Variants in ZNF738 observed in about 807,000 individuals in gnomAD.
ZNF738 encodes the protein protein ZNF738.
Under a neutral mutation model 9.2 loss-of-function variants are expected in ZNF738, and 10 were observed. The observed-to-expected ratio is 1.09, with a 90% CI of 0.67 to 1.85. The LOEUF (loss-of-function observed/expected upper bound fraction) is 1.85. Ranked by LOEUF, ZNF738 falls within the 40% of genes most tolerant of loss-of-function variation. ZNF738 has a pLI of 0.00. For missense variants in ZNF738, 346 were observed against 283.6 expected (o/e 1.22, Z -1.58); for synonymous variants, 113 against 94.5 (o/e 1.20, Z -1.14).
At chr19:21,371,931 G>C (rs1973862186) in intron 2 of ZNF738, 1 of 152,248 alleles carries the variant, frequency 6.6e-6, no homozygotes, top group African/African-American at 2.4e-5. Context: ...TAAACTCTGG[G>C]ATTTAACTTT....
At position 21,384,112 on chromosome 19, in the gene ZNF738, G is replaced by A. The variant is rs534929986; in HGVS notation, c.*438G>A. The A allele has an allele frequency of 2.4e-4, 365 of 1,499,490 alleles. 4 individuals are homozygous for A. In the South Asian group the frequency reaches 3.6e-3, roughly 15 times the overall value. The allele number at this position is 1,499,490 out of a possible 1,614,324, so 92.9% of individuals were successfully genotyped here. A position where few individuals can be genotyped will look rare whatever the true frequency, so the allele number is the denominator to read the frequency against. The stretch of plus-strand genomic sequence containing the variant: ...GAAGAATGTGGCAAAGCTTTCTACC[G>A]ATTATCTTATCTTACTACACATAAG... On this transcript the variant is annotated 3_prime_UTR_variant, in exon 5 of 5. Coordinates refer to ENST00000683779, the MANE Select transcript of ZNF738 (RefSeq NM_001355237.2).
chr19:21,377,001 T>C (rs1973936155), intron 4 of ZNF738, among the ~76,000 whole-genome samples: 1 of 152,090 alleles, frequency 6.6e-6, no homozygotes, highest in Non-Finnish European at 1.5e-5. Flanking sequence ...CTCTTCTCTA[T>C]TTCTCTGTTA....
intron 4 of ZNF738, chr19:21,381,422 G>T (rs192527857): frequency 1.3e-6 from 2 of 1,501,712 alleles, no homozygotes; most frequent in African/African-American, 1.4e-5. Context: ...ATATTCTAGA[G>T]TATAAGAAAG....
intron 1 of ZNF738, among the ~76,000 whole-genome samples, chr19:21,359,728 T>G (rs1973656804): frequency 1.3e-5 from 2 of 151,828 alleles, no homozygotes; most frequent in African/African-American, 4.8e-5. Context: ...ATACAAAAAA[T>G]GAGCCGGGCG....
Position 21,382,608 on chromosome 19 carries a change from T to C in ZNF738, c.320-258T>C, listed in dbSNP as rs555912611. The stretch of plus-strand genomic sequence containing the variant: ...CTGTGTTGGGTAAGTGTAACAAACT[T>C]TTTTTTCTTCTGTGTGACTTTTTGC... On this transcript the variant is annotated intron_variant, in intron 4 of 4. Coordinates refer to ENST00000683779, the MANE Select transcript of ZNF738 (RefSeq NM_001355237.2). 2.2e-3 allele frequency among the ~76,000 whole-genome samples: 337 copies of C among 152,294 alleles called. 1 individual carries two copies. The highest frequency in any genetic ancestry group is 7.9e-3 in the African/African-American group (328 of 41,558).
At chr19:21,363,653 C>G (rs537666796) in intron 2 of ZNF738, among the ~76,000 whole-genome samples, 1 of 152,258 alleles carries the variant, frequency 6.6e-6, no homozygotes, top group Non-Finnish European at 1.5e-5. Flanking sequence ...CTTTGGGAGG[C>G]CAAGGTGGGC....
At chr19:21,380,680 A>T (rs1392299205) in intron 4 of ZNF738, among the ~76,000 whole-genome samples, 1 of 152,212 alleles carries the variant, frequency 6.6e-6, no homozygotes, top group African/African-American at 2.4e-5. Context: ...AGTTGAAGAA[A>T]ATCTTTGCCC....
chr19:21,378,733 G>T, intron 4 of ZNF738: 1 of 320,848 alleles, frequency 3.1e-6, no homozygotes. Context: ...CCGAGTAGCT[G>T]GGATTACGGG....
chr19:21,381,025 T>C (rs140865344), intron 4 of ZNF738, among the ~76,000 whole-genome samples: 22 of 152,308 alleles, frequency 1.4e-4, no homozygotes, highest in East Asian at 3.9e-4. Flanking sequence ...TGGCTTCTCA[T>C]TTTCTGTCCC....
In ZNF738 at chr19:21,387,743, AGAG is replaced by A. The variant is rs1428549080; in HGVS notation, c.*4070_*4072del. On this transcript the variant is annotated 3_prime_UTR_variant, in exon 5 of 5. Coordinates refer to ENST00000683779, the MANE Select transcript of ZNF738 (RefSeq NM_001355237.2). ...AAAATATAACCCTTTAAAGTGAAGA[AGAG>A]AATTTATATTGAAGATGGACATTAC... 6.6e-6 allele frequency among the ~76,000 whole-genome samples: 1 copy of A among 152,212 alleles called. No individual in the cohort carries two copies. The highest frequency in any genetic ancestry group is 2.4e-5 in the African/African-American group (1 of 41,458).
intron 2 of ZNF738, among the ~76,000 whole-genome samples, chr19:21,366,825 C>T (rs1040555399): frequency 6.6e-6 from 1 of 152,100 alleles, no homozygotes; most frequent in Admixed American, 6.5e-5. Context: ...GGAGAATGAC[C>T]AGAGGTCACT....
Position 21,384,079 on chromosome 19 carries a change from A to G in ZNF738, c.*405A>G, listed in dbSNP as rs981282441. ...AGAATTCACACTGGAGAGAAACCCT[A>G]CAAATGTGAAGAATGTGGCAAAGCT... On this transcript the variant is annotated 3_prime_UTR_variant, in exon 5 of 5. Coordinates refer to ENST00000683779, the MANE Select transcript of ZNF738 (RefSeq NM_001355237.2). 1 of 1,559,598 alleles carries G rather than the reference A, an allele frequency of 6.4e-7. No homozygotes were observed. The highest frequency in any genetic ancestry group is 8.8e-7 in the Non-Finnish European group (1 of 1,134,464).
At chr19:21,379,290 A>C (rs1226977419) in intron 4 of ZNF738, 2 of 151,808 alleles carry the variant, frequency 1.3e-5, no homozygotes, top group African/African-American at 4.8e-5. Context: ...TCTTTTATTA[A>C]AATTTGCACA....
chr19:21,384,237 G>C lies in ZNF738; in HGVS notation c.*563G>C. ...TACACATAAGAGAATTCATACTGGT[G>C]AGAAACCCTACAAATGTGAAGAATG... On this transcript the variant is annotated 3_prime_UTR_variant, in exon 5 of 5. Coordinates refer to ENST00000683779, the MANE Select transcript of ZNF738 (RefSeq NM_001355237.2). 1.4e-6 allele frequency: 2 copies of C among 1,419,772 alleles called. No individual in the cohort carries two copies. Among genetic ancestry groups the C allele is most frequent in the Non-Finnish European group, 2.0e-6 (2 of 1,009,206 alleles). 87.9% of individuals were successfully genotyped at this position (1,419,772 alleles called of 1,614,324 possible). A position where few individuals can be genotyped will look rare whatever the true frequency, so the allele number is the denominator to read the frequency against.
rs1974063347 is a variant in ZNF738, at chr19:21,386,020, T to C, written c.*2346T>C. Among the ~76,000 whole-genome samples, 1 of 152,098 alleles carries C rather than the reference T, an allele frequency of 6.6e-6. No homozygotes were observed. The highest frequency in any genetic ancestry group is 2.4e-5 in the African/African-American group (1 of 41,424). On this transcript the variant is annotated 3_prime_UTR_variant, in exon 5 of 5. Coordinates refer to ENST00000683779, the MANE Select transcript of ZNF738 (RefSeq NM_001355237.2). ...GTGCTGGAGAGAAACCCTACAAATATGAAGAATATCTCAAAACTTTTTATA... is the reference window on the plus strand; with the variant it reads ...GTGCTGGAGAGAAACCCTACAAATACGAAGAATATCTCAAAACTTTTTATA...
chr19:21,384,805 A>G lies in ZNF738; in HGVS notation c.*1131A>G, dbSNP rs1035503335. ...AACTGGTCCTCAAACCTTACTAAACATAAGAAAATTCATACTGGAGAGACA... is the reference window on the plus strand; with the variant it reads ...AACTGGTCCTCAAACCTTACTAAACGTAAGAAAATTCATACTGGAGAGACA... On this transcript the variant is annotated 3_prime_UTR_variant, in exon 5 of 5. Transcript: ENST00000683779. Among the ~76,000 whole-genome samples the G allele has an allele frequency of 1.3e-5, 2 of 152,220 alleles. No individual in the cohort carries two copies. Among genetic ancestry groups the G allele is most frequent in the African/African-American group, 2.4e-5 (1 of 41,460 alleles).
rs1974040008 is a variant in ZNF738, at chr19:21,384,199, A to ACTCACGC, written c.*528_*534dup. 1 of 1,370,502 alleles carries ACTCACGC rather than the reference A, an allele frequency of 7.3e-7. No homozygotes were observed. Among genetic ancestry groups the ACTCACGC allele is most frequent in the Non-Finnish European group, 1.0e-6 (1 of 971,854 alleles). The allele number at this position is 1,370,502 out of a possible 1,614,324, so 84.9% of individuals were successfully genotyped here. ...GAATGTGGCAAAGCTTTTAACTGGT[A>ACTCACGC]CTCACGCCTTACTACACATAAGAGA... On this transcript the variant is annotated 3_prime_UTR_variant, in exon 5 of 5. Coordinates refer to ENST00000683779, the MANE Select transcript of ZNF738 (RefSeq NM_001355237.2).
chr19:21,383,753 G>A lies in ZNF738; in HGVS notation c.*79G>A. ...TACTGAAGAGAAACCCTACAAATGTGAGGAATGTGGCAAAGCTTTTAAACA... is the reference window on the plus strand; with the variant it reads ...TACTGAAGAGAAACCCTACAAATGTAAGGAATGTGGCAAAGCTTTTAAACA... On this transcript the variant is annotated 3_prime_UTR_variant, in exon 5 of 5. Coordinates refer to ENST00000683779, the MANE Select transcript of ZNF738 (RefSeq NM_001355237.2). 1 of 1,121,090 alleles carries A rather than the reference G, an allele frequency of 8.9e-7. No individual in the cohort carries two copies. The highest frequency in any genetic ancestry group is 1.2e-5 in the South Asian group (1 of 81,504). 69.4% of individuals were successfully genotyped at this position (1,121,090 alleles called of 1,614,324 possible).
Position 21,373,176 on chromosome 19 carries a change from G to A in ZNF738, c.97-2062G>A, listed in dbSNP as rs565226188. On this transcript the variant is annotated intron_variant, in intron 2 of 4. Transcript: ENST00000683779. ...CCAAGTGATTTTTGAGCTCATTAAA[G>A]GTTGAGAGGCAATGCTTAGCTAAGT... Among the ~76,000 whole-genome samples, 11 of 152,310 alleles carry A rather than the reference G, an allele frequency of 7.2e-5. No homozygotes were observed. In the South Asian group the frequency reaches 2.3e-3, roughly 32 times the overall value.
Sources: gnomAD v4.1 joint callset for allele counts (sites outside exome capture counted in the v4.1 genomes callset) on GRCh38, gnomAD v4.1.1 for gene constraint, MANE v1.5 for transcripts, NCBI Gene and HGNC (gene_info 2026-07-23, HGNC 2026-07-21) for gene names.